SPAG1: variants seen among roughly 807,000 people sequenced by gnomAD.
The protein encoded by SPAG1 is sperm associated antigen 1.
SPAG1 carries 69 observed loss-of-function variants against 100.5 expected under a neutral mutation model. The observed-to-expected ratio is 0.69, with a 90% CI of 0.57 to 0.84. SPAG1 has a LOEUF of 0.84. SPAG1 is among the 40% of genes least tolerant of loss of function. The probability of loss-of-function intolerance (pLI) is 0.00; values close to 1 mark genes in which losing one functional copy is unlikely to be tolerated. For synonymous variants in SPAG1, 336 were observed against 411.6 expected (o/e 0.82, Z 2.22); for missense variants, 955 against 1,133.1 (o/e 0.84, Z 2.26).
intron 2 of SPAG1, chr8:100,165,315 A>C (rs1006678382): frequency 7.8e-6 from 4 of 512,536 alleles, no homozygotes; most frequent in Non-Finnish European, 1.6e-5. Context: ...ATTTTTTCCT[A>C]TTCCATCATT....
intron 13 of SPAG1, among the ~76,000 whole-genome samples, chr8:100,223,740 C>T (rs899484120): frequency 2.6e-5 from 4 of 151,944 alleles, no homozygotes; most frequent in African/African-American, 9.7e-5. Context: ...CTGCTTCTTC[C>T]TTCCTCTCTG....
In SPAG1 at chr8:100,172,634, A is replaced by G. The variant is rs868462277; in HGVS notation, c.301-5182A>G. On this transcript the variant is annotated intron_variant, in intron 3 of 18. Transcript: ENST00000388798. Reference sequence around the variant, plus strand: ...GACTCTGCCTAAAAAAAAGAAATATATGTGTGTGTGTGTGTGTGTGTGTGT... The same window carrying G: ...GACTCTGCCTAAAAAAAAGAAATATGTGTGTGTGTGTGTGTGTGTGTGTGT... Among the ~76,000 whole-genome samples, 144 of 145,560 alleles carry G rather than the reference A, an allele frequency of 9.9e-4. 2 individuals carry two copies. Among genetic ancestry groups the G allele is most frequent in the Admixed American group, 2.0e-3 (29 of 14,658 alleles).
At position 100,184,730 on chromosome 8, in the gene SPAG1, C is replaced by T; in HGVS notation, c.698C>T (p.Thr233Ile). ...TATGAAGAAGCAGTGATGTATTATA[C>T]CAGGTGAGCAGATGTTTGTTGGGGT... ...GDYEEAVMYY[T>I]RSISALPTVV... The change falls in exon 7 of 19, where the codon ACC (threonine) becomes ATC (isoleucine). Residue 233 changes from threonine to isoleucine, a missense_variant. Thr to Ile is a moderately conservative substitution (Grantham distance 89). Coordinates refer to ENST00000388798, the MANE Select transcript of SPAG1 (RefSeq NM_003114.5). 1 of 1,558,386 alleles carries T rather than the reference C, an allele frequency of 6.4e-7. No individual in the cohort carries two copies. Among genetic ancestry groups the T allele is most frequent in the Non-Finnish European group, 8.7e-7 (1 of 1,146,388 alleles).
At chr8:100,209,942 G>A (rs1485666923) in intron 10 of SPAG1, among the ~76,000 whole-genome samples, 1 of 151,794 alleles carries the variant, frequency 6.6e-6, no homozygotes, top group African/African-American at 2.4e-5. Context: ...ATATAATTAT[G>A]AATAGAGATA....
intron 9 of SPAG1, among the ~76,000 whole-genome samples, chr8:100,193,169 A>T (rs576324261): frequency 1.1e-4 from 17 of 152,316 alleles, no homozygotes; most frequent in Admixed American, 5.2e-4. Flanking sequence ...AGAATAAAAG[A>T]CAAGCCACAG....
At chr8:100,237,027 T>C (rs1035004576) in intron 16 of SPAG1, among the ~76,000 whole-genome samples, 3 of 152,212 alleles carry the variant, frequency 2.0e-5, no homozygotes, top group Non-Finnish European at 2.9e-5. Context: ...TAGCAACTTT[T>C]AATGCCTTCT....
chr8:100,169,710 T>A (rs1586395280), intron 3 of SPAG1, among the ~76,000 whole-genome samples: 3 of 152,204 alleles, frequency 2.0e-5, no homozygotes, highest in Middle Eastern at 6.8e-3. Flanking sequence ...TGAACTCCAG[T>A]CTGGATGACA....
intron 7 of SPAG1, among the ~76,000 whole-genome samples, chr8:100,185,901 T>G (rs1816564678): frequency 6.6e-6 from 1 of 152,146 alleles, no homozygotes. Flanking sequence ...ATAACTGTTC[T>G]TTCTTTTCTT....
chr8:100,191,676 T>C (rs1168401718), intron 9 of SPAG1, among the ~76,000 whole-genome samples, 180 bp downstream of exon 9: 1 of 152,196 alleles, frequency 6.6e-6, no homozygotes, highest in African/African-American at 2.4e-5. Context: ...GAAAGCAGAA[T>C]CTTAAAATTT....
intron 2 of SPAG1, among the ~76,000 whole-genome samples, chr8:100,163,775 A>G (rs1000155403): frequency 4.6e-5 from 7 of 152,198 alleles, no homozygotes; most frequent in African/African-American, 1.7e-4. Flanking sequence ...TGAAAAATCA[A>G]TAATATCAAT....
intron 8 of SPAG1, 76 bp downstream of exon 8, chr8:100,187,326 G>C (rs1313433513): frequency 8.4e-7 from 1 of 1,188,426 alleles, no homozygotes; most frequent in East Asian, 2.7e-5. Context: ...TACTTGTAAT[G>C]TTTACATTAA....
chr8:100,172,996 T>C (rs1815943233), intron 3 of SPAG1, among the ~76,000 whole-genome samples: 1 of 151,366 alleles, frequency 6.6e-6, no homozygotes, highest in Non-Finnish European at 1.5e-5. Flanking sequence ...AGCCTAGGTT[T>C]TTCCCCATTG....
intron 4 of SPAG1, among the ~76,000 whole-genome samples, chr8:100,178,891 G>T (rs1270313956): frequency 6.6e-6 from 1 of 151,722 alleles, no homozygotes; most frequent in African/African-American, 2.4e-5. Flanking sequence ...CCAGGAGTTC[G>T]AGACCAGCCT....
chr8:100,231,270 G>C lies in SPAG1; in HGVS notation c.1970G>C (p.Cys657Ser), dbSNP rs758984345. 1.3e-6 allele frequency: 2 copies of C among 1,579,158 alleles called. No homozygotes were observed. The highest frequency in any genetic ancestry group is 3.5e-5 in the Admixed American group (2 of 57,364). Residue 657 changes from cysteine (C) to serine (S), a missense_variant, in exon 15 of 19, where the codon TGT becomes TCT. By Grantham distance (112) the Cys-to-Ser change is moderately radical (BLOSUM62 -1). Transcript: ENST00000388798. ...TGCTTAAAGATTAACAATAAGGAATGTGCCATATATACAAACAGGCAAGTT... is the reference window on the plus strand; with the variant it reads ...TGCTTAAAGATTAACAATAAGGAATCTGCCATATATACAAACAGGCAAGTT... ...SECLKINNKE[C>S]AIYTNRALCY...
intron 7 of SPAG1, 46 bp downstream of exon 7, chr8:100,184,779 A>G (rs1406384075): frequency 9.2e-7 from 1 of 1,088,930 alleles, no homozygotes; most frequent in East Asian, 2.7e-5. Context: ...TTAAAAAATG[A>G]TAATGTTTTA....
chr8:100,175,109 CTGAG>C (rs1816049960), intron 3 of SPAG1, among the ~76,000 whole-genome samples: 1 of 151,982 alleles, frequency 6.6e-6, no homozygotes, highest in African/African-American at 2.4e-5. Flanking sequence ...CCTCAGCCTC[CTGAG>C]TAAGTGGGGC....
At chr8:100,180,904 T>A (rs1217767566) in intron 4 of SPAG1, among the ~76,000 whole-genome samples, 2 of 152,222 alleles carry the variant, frequency 1.3e-5, no homozygotes, top group African/African-American at 4.8e-5. Context: ...TTGTGATTTT[T>A]AAAATTGCAT....
intron 16 of SPAG1, among the ~76,000 whole-genome samples, chr8:100,238,448 T>TG (rs1183714074): frequency 1.3e-5 from 2 of 152,334 alleles, no homozygotes; most frequent in African/African-American, 4.8e-5. Flanking sequence ...CATGAATACT[T>TG]GAAGAGGTTA....
At chr8:100,177,774 A>G in intron 3 of SPAG1, 42 bp from the exon 4 acceptor site, 1 of 1,196,178 alleles carries the variant, frequency 8.4e-7, no homozygotes. Flanking sequence ...GCTTGGTTAT[A>G]ATTATTTCAA....
Sources: allele counts gnomAD v4.1 joint callset (sites outside exome capture counted in the v4.1 genomes callset), GRCh38; gene constraint gnomAD v4.1.1; transcripts MANE v1.5; gene names NCBI Gene and HGNC (gene_info 2026-07-23, HGNC 2026-07-21).